The following TRHDE variants were observed in gnomAD, a reference collection of about 807,000 sequenced individuals.
TRHDE encodes thyrotropin releasing hormone degrading enzyme.
Under a neutral mutation model 125.7 loss-of-function variants are expected in TRHDE, and 72 were observed. The ratio of observed to expected loss-of-function variants is 0.57; its 90% CI spans 0.47 to 0.70. The LOEUF (loss-of-function observed/expected upper bound fraction) is 0.70, where lower values mean the gene tolerates loss of function less well. Ranked by LOEUF, TRHDE falls within the 30% of genes least tolerant of loss-of-function variation. The pLI, the probability that TRHDE is intolerant of heterozygous loss-of-function variation, is 0.00. For synonymous variants in TRHDE, 509 were observed against 509.1 expected, an observed-to-expected ratio of 1.00 and a Z score of 0.00; for missense variants, 1,110 against 1,327.1, an observed-to-expected ratio of 0.84 and a Z score of 2.54.
At chr12:72,378,807 T>C (rs930407268) in intron 3 of TRHDE, among the ~76,000 whole-genome samples, 3 of 152,208 alleles carry the variant, frequency 2.0e-5, no homozygotes, top group African/African-American at 7.2e-5. Flanking sequence ...ATGCACTTGG[T>C]AATTGTCGGT....
chr12:72,568,641 G>A lies in TRHDE; in HGVS notation c.2116G>A (p.Val706Met), dbSNP rs775193758. ...SHVSSEAIIWVSNKSEHHRIT... is the reference protein window; with the variant it reads ...SHVSSEAIIWMSNKSEHHRIT... ...TGTGTCTTCAGAAGCAATTATTTGG[G>A]TGTCTAACAAATCAGGTAAACTATA... The change falls in exon 10 of 19, where the codon GTG becomes ATG. Residue 706 changes from valine (V) to methionine (M), a missense_variant. Val to Met is a conservative substitution (Grantham distance 21). Transcript: ENST00000261180. 5.6e-6 allele frequency: 9 copies of A among 1,609,530 alleles called. No individual in the cohort carries two copies. The highest frequency in any genetic ancestry group is 7.6e-6 in the Non-Finnish European group (9 of 1,176,706).
intron 17 of TRHDE, among the ~76,000 whole-genome samples, chr12:72,655,234 G>A (rs975807649): frequency 3.3e-5 from 5 of 151,948 alleles, no homozygotes; most frequent in Non-Finnish European, 4.4e-5. Context: ...CACCACACCC[G>A]GCTAATTTTT....
intron 12 of TRHDE, among the ~76,000 whole-genome samples, chr12:72,607,180 G>T (rs893632199): frequency 3.9e-5 from 6 of 152,060 alleles, no homozygotes; most frequent in African/African-American, 1.4e-4. Flanking sequence ...CCACAGTCTG[G>T]ATTTTGCTAA....
intron 4 of TRHDE, 118 bp downstream of exon 4, chr12:72,470,030 C>A: frequency 1.0e-6 from 1 of 968,116 alleles, no homozygotes; most frequent in Non-Finnish European, 1.5e-6. Flanking sequence ...TTATATGGAG[C>A]ACTGTGTAGT....
rs770248867 is a variant in TRHDE, at chr12:72,272,831, C to G, written c.188C>G (p.Pro63Arg). The part of the protein sequence containing the change: ...LRAGSRGLSD[P>R]WADSVGVRPR... ...GCTGGCAGCAGGGGGCTCTCCGACC[C>G]GTGGGCAGACTCAGTGGGAGTGCGA... The change falls in exon 1 of 19, where the codon CCG (proline) becomes CGG (arginine). Residue 63 changes from proline (P) to arginine (R), a missense_variant. By Grantham distance (103) the Pro-to-Arg change is moderately radical (BLOSUM62 -2). Around this residue, in one of 5 missense-constraint regions of TRHDE, gnomAD observed 248 missense variants for 240.8 expected, o/e 1.03. Coordinates refer to ENST00000261180, the MANE Select transcript of TRHDE (RefSeq NM_013381.3). This position sits in a 1 kb window ranked among gnomAD's most constrained non-coding sequence, Gnocchi z 6.7. 1.4e-5 allele frequency: 22 copies of G among 1,580,356 alleles called. No individual in the cohort carries two copies. The highest frequency in any genetic ancestry group is 2.3e-5 in the East Asian group (1 of 44,100).
intron 3 of TRHDE, among the ~76,000 whole-genome samples, chr12:72,418,966 C>T (rs754145916): frequency 2.6e-5 from 4 of 152,060 alleles, no homozygotes; most frequent in Non-Finnish European, 5.9e-5. Context: ...TGGTGATAAG[C>T]AGAAGTTACT....
At chr12:72,161,094 T>C (rs1182731520) in intron 2 of TRHDE, among the ~76,000 whole-genome samples, 1 of 152,178 alleles carries the variant, frequency 6.6e-6, no homozygotes, top group Non-Finnish European at 1.5e-5. Context: ...TCTTAGTTGC[T>C]GATAGACTTT....
At chr12:72,421,464 G>T (rs1393767280) in intron 3 of TRHDE, among the ~76,000 whole-genome samples, 1 of 152,128 alleles carries the variant, frequency 6.6e-6, no homozygotes, top group Non-Finnish European at 1.5e-5. Flanking sequence ...ATAGGTAATG[G>T]CCAGAGAAGA....
At chr12:72,535,803 T>C (rs1868829463) in intron 6 of TRHDE, among the ~76,000 whole-genome samples, 1 of 152,166 alleles carries the variant, frequency 6.6e-6, no homozygotes. Context: ...GAACATTGTT[T>C]TATTTCCACA....
At chr12:72,652,848 C>T (rs1874559690) in intron 16 of TRHDE, among the ~76,000 whole-genome samples, 168 bp from the exon 17 acceptor site, 1 of 151,524 alleles carries the variant, frequency 6.6e-6, no homozygotes, top group Admixed American at 6.6e-5. Context: ...TGAGTTTGAT[C>T]CTCTTTTATA....
chr12:72,145,982 G>C (rs1876217483), intron 2 of TRHDE, among the ~76,000 whole-genome samples: 1 of 152,172 alleles, frequency 6.6e-6, no homozygotes, highest in African/African-American at 2.4e-5. Context: ...TTCCTCTAAA[G>C]ATATTCCTGG....
chr12:72,652,166 A>ATAT (rs1292476031), intron 15 of TRHDE, among the ~76,000 whole-genome samples, 156 bp from the exon 16 acceptor site: 4 of 152,108 alleles, frequency 2.6e-5, no homozygotes, highest in Non-Finnish European at 5.9e-5. Context: ...TATTTTTAAA[A>ATAT]TATTATTACT....
chr12:72,365,041 G>A (rs1404808892), intron 2 of TRHDE, among the ~76,000 whole-genome samples: 1 of 152,098 alleles, frequency 6.6e-6, no homozygotes, highest in Non-Finnish European at 1.5e-5. Context: ...GGCTGTGACA[G>A]GATTAACCAA....
Position 72,381,206 on chromosome 12 carries a change from T to G in TRHDE, c.1315+3085T>G, listed in dbSNP as rs1008349099. ...TAGCTCTTCACAACAAAGAGTTATT[T>G]AGCCCAAACTATCAATACAACCAAG... On this transcript the variant is annotated intron_variant, in intron 3 of 18. Coordinates refer to ENST00000261180, the MANE Select transcript of TRHDE (RefSeq NM_013381.3). Among the ~76,000 whole-genome samples, 3 of 152,228 alleles carry G rather than the reference T, an allele frequency of 2.0e-5. No individual in the cohort carries two copies. In the South Asian group the frequency reaches 6.2e-4, roughly 32 times the overall value.
intron 18 of TRHDE, among the ~76,000 whole-genome samples, chr12:72,661,750 T>C (rs936704974): frequency 1.3e-5 from 2 of 152,154 alleles, no homozygotes; most frequent in Non-Finnish European, 2.9e-5. Flanking sequence ...CTTCTTCCTT[T>C]TTTCTTAATA....
chr12:72,245,899 T>C (rs1258570492), intron 2 of TRHDE, among the ~76,000 whole-genome samples: 1 of 152,150 alleles, frequency 6.6e-6, no homozygotes, highest in Non-Finnish European at 1.5e-5. Context: ...GTATTTTTTA[T>C]ACAACTGGGA....
intron 15 of TRHDE, among the ~76,000 whole-genome samples, chr12:72,635,046 T>C (rs1216944622): frequency 1.3e-5 from 2 of 151,940 alleles, no homozygotes; most frequent in East Asian, 3.9e-4. Context: ...CAAATGGTAT[T>C]TCTAGTTCTA....
intron 3 of TRHDE, among the ~76,000 whole-genome samples, chr12:72,448,996 G>T (rs1481737513): frequency 6.6e-6 from 1 of 151,914 alleles, no homozygotes; most frequent in Non-Finnish European, 1.5e-5. Flanking sequence ...TGAAACATTT[G>T]TATATTGTAG....
chr12:72,405,730 G>A (rs535575023), intron 3 of TRHDE, among the ~76,000 whole-genome samples: 1 of 152,180 alleles, frequency 6.6e-6, no homozygotes, highest in Non-Finnish European at 1.5e-5. Context: ...AAGGGAAAAT[G>A]CTTGTTCAGT....
Sources: allele counts gnomAD v4.1 joint callset (sites outside exome capture counted in the v4.1 genomes callset), GRCh38; gene constraint gnomAD v4.1.1; regional missense constraint gnomAD v4.1.1; non-coding constraint Gnocchi (gnomAD v3.1); transcripts MANE v1.5; gene names NCBI Gene and HGNC (gene_info 2026-07-23, HGNC 2026-07-21).